UNC5C: variants seen among roughly 807,000 people sequenced by gnomAD.
The protein encoded by UNC5C is unc-5 netrin receptor C, also known as netrin receptor UNC5C.
UNC5C carries 47 observed loss-of-function variants against 99.8 expected under a neutral mutation model. The observed-to-expected ratio is 0.47, with a 90% CI of 0.37 to 0.60. The LOEUF (loss-of-function observed/expected upper bound fraction) is 0.60, where lower values mean the gene tolerates loss of function less well. Ranked by LOEUF, UNC5C falls within the 20% of genes least tolerant of loss-of-function variation. The probability of loss-of-function intolerance (pLI) is 0.00; values close to 1 mark genes in which losing one functional copy is unlikely to be tolerated. For synonymous variants in UNC5C, 487 were observed against 452.2 expected (o/e 1.08, Z -0.98); for missense variants, 1,062 against 1,165.9 (o/e 0.91, Z 1.30).
chr4:95,434,618 A>G (rs372450372), intron 1 of UNC5C, among the ~76,000 whole-genome samples: 2 of 152,182 alleles, frequency 1.3e-5, no homozygotes, highest in African/African-American at 2.4e-5. Flanking sequence ...TGGACTGTGG[A>G]GCACTTTTCC....
chr4:95,456,390 G>A (rs1227786206), intron 1 of UNC5C, among the ~76,000 whole-genome samples: 1 of 152,056 alleles, frequency 6.6e-6, no homozygotes, highest in Admixed American at 6.6e-5. Context: ...AATCATAGTG[G>A]TGATGGAAAT....
chr4:95,433,414 A>G (rs1224218425), intron 1 of UNC5C, among the ~76,000 whole-genome samples: 1 of 151,916 alleles, frequency 6.6e-6, no homozygotes, highest in Admixed American at 6.6e-5. Context: ...TTCATTTTGG[A>G]GCATTTATTT....
intron 1 of UNC5C, among the ~76,000 whole-genome samples, chr4:95,368,297 G>T (rs77730583): frequency 1.5e-5 from 2 of 133,786 alleles, no homozygotes; most frequent in Admixed American, 7.6e-5. Context: ...CATCTTTTTT[G>T]AAAAAAAAAA....
rs561742983 is a variant in UNC5C at position 95,169,046 on chromosome 4, G to A, written c.*188C>T. ...ATTTACACAATTTTTCTTAACTCCCGTGATGATGTCCGAGTAAAGTGGGCA... is the reference window on the plus strand; with the variant it reads ...ATTTACACAATTTTTCTTAACTCCCATGATGATGTCCGAGTAAAGTGGGCA... On this transcript the variant is annotated 3_prime_UTR_variant, in exon 16 of 16. Transcript: ENST00000453304. The A allele has an allele frequency of 4.4e-5, 28 of 642,772 alleles. No individual in the cohort carries two copies. The East Asian group carries it at 7.2e-4, about 16-fold the overall frequency. The allele number at this position is 642,772 out of a possible 1,614,324, so 39.8% of individuals were successfully genotyped here.
At chr4:95,272,732 G>A (rs1241977310) in intron 4 of UNC5C, among the ~76,000 whole-genome samples, 1 of 152,188 alleles carries the variant, frequency 6.6e-6, no homozygotes, top group Non-Finnish European at 1.5e-5. Flanking sequence ...ACACGTGGTA[G>A]CAGAAAATTC....
intron 3 of UNC5C, among the ~76,000 whole-genome samples, chr4:95,287,919 G>A (rs549103845): frequency 5.5e-4 from 84 of 152,206 alleles, no homozygotes; most frequent in African/African-American, 1.7e-3. Context: ...GTATATAGCA[G>A]TGCCTTAGTA....
At chr4:95,514,599 G>A (rs1342746030) in intron 1 of UNC5C, among the ~76,000 whole-genome samples, 1 of 149,894 alleles carries the variant, frequency 6.7e-6, no homozygotes, top group Non-Finnish European at 1.5e-5. Context: ...ACATTAGCCT[G>A]TGTGTTCTAT....
At chr4:95,544,473 TACTA>T (rs1439147586) in intron 1 of UNC5C, among the ~76,000 whole-genome samples, 6 of 152,226 alleles carry the variant, frequency 3.9e-5, no homozygotes, top group Admixed American at 2.6e-4. Flanking sequence ...CACCTATGTT[TACTA>T]TCTTCGGATG....
At chr4:95,487,823 T>G (rs1721368988) in intron 1 of UNC5C, among the ~76,000 whole-genome samples, 1 of 151,796 alleles carries the variant, frequency 6.6e-6, no homozygotes. Flanking sequence ...AACTATAGCC[T>G]TAGTTTCTTA....
intron 1 of UNC5C, among the ~76,000 whole-genome samples, chr4:95,504,726 C>T (rs190954859): frequency 6.6e-6 from 1 of 152,102 alleles, no homozygotes. Flanking sequence ...AACCTTTGTG[C>T]CAAAATCAAA....
At chr4:95,438,691 A>G (rs1746860439) in intron 1 of UNC5C, among the ~76,000 whole-genome samples, 1 of 152,166 alleles carries the variant, frequency 6.6e-6, no homozygotes, top group Non-Finnish European at 1.5e-5. Flanking sequence ...GTTCCTGCAG[A>G]TAAGGAAGGA....
chr4:95,302,972 C>T (rs142895872), intron 2 of UNC5C, among the ~76,000 whole-genome samples: 2 of 152,128 alleles, frequency 1.3e-5, no homozygotes, highest in East Asian at 3.9e-4. Context: ...TCAGGGAACC[C>T]AATCTAGTGT....
chr4:95,167,008 C>G lies in UNC5C; in HGVS notation c.*2226G>C, dbSNP rs1735881586. ...AGAATATATGTATGTATGTCCAAAACAGAAGATACGGAATAAAAAGCATGA... is the reference window on the plus strand; with the variant it reads ...AGAATATATGTATGTATGTCCAAAAGAGAAGATACGGAATAAAAAGCATGA... On this transcript the variant is annotated 3_prime_UTR_variant, in exon 16 of 16. Transcript: ENST00000453304. 6.6e-6 allele frequency: 1 copy of G among 151,920 alleles called. No individual in the cohort carries two copies. The highest frequency in any genetic ancestry group is 2.4e-5 in the African/African-American group (1 of 41,336). The allele number at this position is 151,920 out of a possible 1,614,324, so 9.4% of individuals were successfully genotyped here.
chr4:95,294,844 C>T lies in UNC5C; in HGVS notation c.490+6762G>A, dbSNP rs546942656. Among the ~76,000 whole-genome samples the T allele has an allele frequency of 3.3e-5, 5 of 152,270 alleles. No homozygotes were observed. The South Asian group carries it at 8.3e-4, about 25-fold the overall frequency. On this transcript the variant is annotated intron_variant, in intron 3 of 15. Coordinates refer to ENST00000453304, the MANE Select transcript of UNC5C (RefSeq NM_003728.4). The stretch of plus-strand genomic sequence containing the variant: ...CTGAGCATTTGCACTGTGTCTGGCA[C>T]TATGTCATATGTTTTACAAGTTTAT...
In UNC5C at chr4:95,499,354, G is replaced by A. The variant is rs532614438; in HGVS notation, c.124+49380C>T. 1.5e-4 allele frequency among the ~76,000 whole-genome samples: 23 copies of A among 152,162 alleles called. 1 individual carries two copies. In the East Asian group the frequency reaches 1.9e-3, roughly 13 times the overall value. ...TTTATAAATAATTCTCACCGGCTGTGGAGCAATGCTGGATGTGGCTTTCAG... is the reference window on the plus strand; with the variant it reads ...TTTATAAATAATTCTCACCGGCTGTAGAGCAATGCTGGATGTGGCTTTCAG... On this transcript the variant is annotated intron_variant, in intron 1 of 15. Coordinates refer to ENST00000453304, the MANE Select transcript of UNC5C (RefSeq NM_003728.4).
rs375601981 is a variant in UNC5C, at chr4:95,335,384, C to A, written c.346+26G>T. Reference sequence around the variant, plus strand: ...TAGTGAGTAAGTGAATCTTGAAGTGCAATGCAAATGCAATGGAAAACTCAC... The same window carrying A: ...TAGTGAGTAAGTGAATCTTGAAGTGAAATGCAAATGCAATGGAAAACTCAC... On this transcript the variant is annotated intron_variant, in intron 2 of 15. Coordinates refer to ENST00000453304, the MANE Select transcript of UNC5C (RefSeq NM_003728.4). 2.4e-5 allele frequency: 38 copies of A among 1,582,904 alleles called. No homozygotes were observed. The African/African-American group carries it at 4.6e-4, about 19-fold the overall frequency.
intron 14 of UNC5C, among the ~76,000 whole-genome samples, chr4:95,172,666 G>T (rs1297836576): frequency 6.6e-6 from 1 of 151,840 alleles, no homozygotes; most frequent in Non-Finnish European, 1.5e-5. Flanking sequence ...TTTGAAGTCA[G>T]GTAGTGTGAT....
intron 1 of UNC5C, among the ~76,000 whole-genome samples, chr4:95,428,989 C>G (rs1746557981): frequency 6.6e-6 from 1 of 152,030 alleles, no homozygotes; most frequent in African/African-American, 2.4e-5. Flanking sequence ...TGACTTTCAG[C>G]TTCTTGTAAG....
At chr4:95,524,219 CTA>C (rs1722438793) in intron 1 of UNC5C, among the ~76,000 whole-genome samples, 1 of 152,166 alleles carries the variant, frequency 6.6e-6, no homozygotes, top group South Asian at 2.1e-4. Flanking sequence ...TCAGACAGAT[CTA>C]TGTTTCAATC....
Sources: allele counts gnomAD v4.1 joint callset (sites outside exome capture counted in the v4.1 genomes callset), GRCh38; gene constraint gnomAD v4.1.1; transcripts MANE v1.5; gene names NCBI Gene and HGNC (gene_info 2026-07-23, HGNC 2026-07-21).